CCDC85A: variants seen among roughly 807,000 people sequenced by gnomAD.
The protein encoded by CCDC85A is coiled-coil domain containing 85A, also known as coiled-coil domain-containing protein 85A.
A neutral mutation model predicts 50.2 loss-of-function variants in CCDC85A; 38 were observed. The observed-to-expected ratio is 0.76, with a 90% confidence interval of 0.58 to 0.99. CCDC85A has a LOEUF of 0.99. Among genes scored for constraint, CCDC85A ranks in the 50% least tolerant of loss-of-function variants. The probability of loss-of-function intolerance (pLI) is 0.00; values close to 1 mark genes in which losing one functional copy is unlikely to be tolerated. For missense variants in CCDC85A, 820 were observed against 742.0 expected, an observed-to-expected ratio of 1.11 and a Z score of -1.22; for synonymous variants, 366 against 301.4, an observed-to-expected ratio of 1.21 and a Z score of -2.22.
chr2:56,233,280 G>A (rs1668853974), intron 2 of CCDC85A, among the ~76,000 whole-genome samples: 1 of 152,204 alleles, frequency 6.6e-6, no homozygotes, highest in African/African-American at 2.4e-5. Flanking sequence ...ACAGGGGACT[G>A]AGGGGCCAGG....
At chr2:56,280,651 A>AT (rs1379875564) in intron 2 of CCDC85A, among the ~76,000 whole-genome samples, 1 of 152,160 alleles carries the variant, frequency 6.6e-6, no homozygotes, top group Non-Finnish European at 1.5e-5. Flanking sequence ...AAGAGTTAGG[A>AT]TCCAGCTACT....
intron 2 of CCDC85A, among the ~76,000 whole-genome samples, chr2:56,304,291 C>A (rs1024275620): frequency 1.3e-5 from 2 of 152,144 alleles, no homozygotes; most frequent in Middle Eastern, 3.2e-3. Flanking sequence ...ATAGAACTGG[C>A]ATTTCAAACA....
chr2:56,269,015 T>C (rs966934245), intron 2 of CCDC85A, among the ~76,000 whole-genome samples: 1 of 152,326 alleles, frequency 6.6e-6, no homozygotes, highest in Non-Finnish European at 1.5e-5. Flanking sequence ...TGGAACACTT[T>C]TCCATAGACT....
At chr2:56,299,243 C>T (rs972848373) in intron 2 of CCDC85A, among the ~76,000 whole-genome samples, 1 of 152,094 alleles carries the variant, frequency 6.6e-6, no homozygotes, top group African/African-American at 2.4e-5. Context: ...ACGATAACTG[C>T]AGCAATATTC....
intron 2 of CCDC85A, among the ~76,000 whole-genome samples, chr2:56,300,686 C>A (rs1409743504): frequency 6.6e-6 from 1 of 152,174 alleles, no homozygotes; most frequent in African/African-American, 2.4e-5. Context: ...CTTTATTTTT[C>A]TCCAGAGGAT....
intron 1 of CCDC85A, among the ~76,000 whole-genome samples, chr2:56,188,733 G>C (rs951135488): frequency 6.6e-6 from 1 of 152,232 alleles, no homozygotes; most frequent in African/African-American, 2.4e-5. Context: ...CTCTGACATA[G>C]CTAGTGCTTG....
chr2:56,258,323 A>C lies in CCDC85A; in HGVS notation c.1240+64883A>C, dbSNP rs539223329. On this transcript the variant is annotated intron_variant, in intron 2 of 5. Transcript: ENST00000407595. ...TGAGAAAATGTCTGTTGATTTATTA[A>C]TTTAAATCTCACTTAAAACCAGGGT... Among the ~76,000 whole-genome samples the C allele has an allele frequency of 1.7e-4, 26 of 152,338 alleles. No individual in the cohort carries two copies. The South Asian group carries it at 2.7e-3, about 16-fold the overall frequency.
rs574812511 is a variant in CCDC85A, at chr2:56,237,882, G to A, written c.1240+44442G>A. ...TGGTCTAATAGGGATTGGTGGCTTG[G>A]TGTAGTGCCATGTGCTGTGTTATGC... is the stretch of plus-strand genomic sequence containing the variant. On this transcript the variant is annotated intron_variant, in intron 2 of 5. Transcript: ENST00000407595. Among the ~76,000 whole-genome samples, 14 of 152,250 alleles carry A rather than the reference G, an allele frequency of 9.2e-5. No homozygotes were observed. The South Asian group carries it at 2.1e-3, about 23-fold the overall frequency.
rs146833762 is a variant in CCDC85A at position 56,294,586 on chromosome 2, G to A, written c.1241-48293G>A. 6.7e-4 allele frequency among the ~76,000 whole-genome samples: 102 copies of A among 152,224 alleles called. No homozygotes were observed. In the East Asian group the frequency reaches 0.016, roughly 24 times the overall value. On this transcript the variant is annotated intron_variant, in intron 2 of 5. Transcript: ENST00000407595. Reference sequence around the variant, plus strand: ...GTTTATTTCCTTGTCCATCTCAAGCGTATAACTCTATTCAGAGTTGACAAT... The same window carrying A: ...GTTTATTTCCTTGTCCATCTCAAGCATATAACTCTATTCAGAGTTGACAAT...
intron 5 of CCDC85A, chr2:56,383,852 C>G (rs931944440): frequency 4.5e-6 from 3 of 662,496 alleles, no homozygotes; most frequent in Non-Finnish European, 5.6e-6. Context: ...TTAATTCTGG[C>G]TACACATTAG....
intron 4 of CCDC85A, 108 bp from the exon 5 acceptor site, chr2:56,375,708 A>T (rs13389257): frequency 1.2e-5 from 15 of 1,200,094 alleles, no homozygotes; most frequent in Non-Finnish European, 1.8e-5. Flanking sequence ...AGGAAAAAGT[A>T]ACAAAATGGC....
At chr2:56,332,282 C>G (rs1673844361) in intron 2 of CCDC85A, among the ~76,000 whole-genome samples, 1 of 152,130 alleles carries the variant, frequency 6.6e-6, no homozygotes, top group Admixed American at 6.5e-5. Flanking sequence ...CTTCATAGTC[C>G]TTTTGGGCTG....
chr2:56,319,881 G>T (rs1349820439), intron 2 of CCDC85A, among the ~76,000 whole-genome samples: 1 of 152,098 alleles, frequency 6.6e-6, no homozygotes, highest in Non-Finnish European at 1.5e-5. Flanking sequence ...TGACCACATA[G>T]TTGGAAGTAA....
chr2:56,343,018 A>C, intron 3 of CCDC85A, 63 bp downstream of exon 3: 1 of 1,144,914 alleles, frequency 8.7e-7, no homozygotes, highest in Non-Finnish European at 1.3e-6. Flanking sequence ...TTTTATTTGG[A>C]ATTTAAAAGC....
intron 3 of CCDC85A, among the ~76,000 whole-genome samples, chr2:56,364,141 T>C (rs1437310720): frequency 6.6e-6 from 1 of 152,168 alleles, no homozygotes; most frequent in Admixed American, 6.5e-5. Context: ...TAACAGCCTC[T>C]TTTTCTTTTT....
At chr2:56,211,049 ACTT>A (rs1200013380) in intron 2 of CCDC85A, among the ~76,000 whole-genome samples, 1 of 152,030 alleles carries the variant, frequency 6.6e-6, no homozygotes, top group Non-Finnish European at 1.5e-5. Context: ...TGCTTTACCA[ACTT>A]ATGTTATCTG....
intron 2 of CCDC85A, among the ~76,000 whole-genome samples, chr2:56,342,153 T>G (rs1239027869): frequency 1.3e-5 from 2 of 151,782 alleles, no homozygotes; most frequent in Non-Finnish European, 2.9e-5. Context: ...CTGGTTGGTG[T>G]GCAAAAAGCC....
At chr2:56,210,651 C>T (rs572036517) in intron 2 of CCDC85A, among the ~76,000 whole-genome samples, 107 of 152,018 alleles carry the variant, frequency 7.0e-4, no homozygotes, top group African/African-American at 2.5e-3. Context: ...GCTTGGAGTT[C>T]CTTGAGCATC....
At chr2:56,194,902 A>G (rs1676465425) in intron 2 of CCDC85A, among the ~76,000 whole-genome samples, 1 of 146,124 alleles carries the variant, frequency 6.8e-6, no homozygotes, top group African/African-American at 2.6e-5. Context: ...TGGCTGCCCA[A>G]TTCTGTACAA....
Sources: gnomAD v4.1 joint callset for allele counts (sites outside exome capture counted in the v4.1 genomes callset) on GRCh38, gnomAD v4.1.1 for gene constraint, MANE v1.5 for transcripts, NCBI Gene and HGNC (gene_info 2026-07-23, HGNC 2026-07-21) for gene names.